The following SORCS2 variants were observed in gnomAD, a reference collection of about 807,000 sequenced individuals.
SORCS2 encodes the protein sortilin related VPS10 domain containing receptor 2, also known as VPS10 domain-containing receptor SorCS2.
In SORCS2, 100 loss-of-function variants were observed where a neutral mutation model predicts 141.6. That is an observed-to-expected ratio of 0.71 (90% CI 0.60 to 0.83). SORCS2 has a LOEUF of 0.83. SORCS2 is among the 40% of genes least tolerant of loss of function. The pLI, the probability that SORCS2 is intolerant of heterozygous loss-of-function variation, is 0.00. For missense variants in SORCS2, 1,646 were observed against 1,560.2 expected, an observed-to-expected ratio of 1.05 and a Z score of -0.93; for synonymous variants, 789 against 676.9, an observed-to-expected ratio of 1.17 and a Z score of -2.57.
intron 4 of SORCS2, among the ~76,000 whole-genome samples, chr4:7,651,001 A>G (rs906031260): frequency 1.6e-4 from 24 of 152,250 alleles, no homozygotes; most frequent in African/African-American, 5.5e-4. Context: ...CCCTACCCCC[A>G]GAGGGGCAGC....
At chr4:7,644,276 C>T (rs1720914667) in intron 4 of SORCS2, among the ~76,000 whole-genome samples, 1 of 152,164 alleles carries the variant, frequency 6.6e-6, no homozygotes, top group African/African-American at 2.4e-5. Context: ...GTTGCCATTG[C>T]TGCAGCCTGC....
chr4:7,433,325 C>T, intron 2 of SORCS2: 1 of 1,413,350 alleles, frequency 7.1e-7, no homozygotes, highest in Non-Finnish European at 9.3e-7. Context: ...CACGCGTGTT[C>T]CCCAGCGTGG....
intron 1 of SORCS2, among the ~76,000 whole-genome samples, chr4:7,321,856 TC>T (rs2108945553): frequency 6.6e-6 from 1 of 152,126 alleles, no homozygotes; most frequent in African/African-American, 2.4e-5. Context: ...TGAGGATAGT[TC>T]CCACCCTCTG....
chr4:7,482,439 G>A (rs1171446238), intron 2 of SORCS2, among the ~76,000 whole-genome samples: 1 of 38,186 alleles, frequency 2.6e-5, no homozygotes, highest in South Asian at 2.0e-3. Flanking sequence ...CACCCCTGAC[G>A]CTGTTCAGAC....
At chr4:7,543,809 CATCCATCCATCT>C (rs367586799) in intron 3 of SORCS2, among the ~76,000 whole-genome samples, 21,436 of 49,532 alleles carry the variant, frequency 0.43, 7,941 homozygotes, top group East Asian at 0.82. Flanking sequence ...TCCATCCATC[CATCCATCCATCT>C]ACCCATCTGT....
intron 2 of SORCS2, among the ~76,000 whole-genome samples, chr4:7,438,413 G>A (rs1727445579): frequency 6.6e-6 from 1 of 152,204 alleles, no homozygotes; most frequent in African/African-American, 2.4e-5. Flanking sequence ...TTCCTTCTCT[G>A]TAAAGTTATT....
chr4:7,362,592 T>C (rs926567946), intron 1 of SORCS2, among the ~76,000 whole-genome samples: 18 of 152,106 alleles, frequency 1.2e-4, no homozygotes, highest in Non-Finnish European at 1.5e-4. Context: ...GGAAGAGGGC[T>C]CTGCCCCTGG....
intron 8 of SORCS2, among the ~76,000 whole-genome samples, chr4:7,672,179 G>A (rs1375121748): frequency 6.6e-6 from 1 of 152,138 alleles, no homozygotes; most frequent in African/African-American, 2.4e-5. Context: ...CTGACCTCAA[G>A]TGATCCACCT....
chr4:7,354,061 G>A (rs896933167), intron 1 of SORCS2, among the ~76,000 whole-genome samples: 46 of 152,230 alleles, frequency 3.0e-4, no homozygotes, highest in African/African-American at 1.0e-3. Flanking sequence ...AACAGTTCTC[G>A]GCACTGGCTT....
intron 1 of SORCS2, among the ~76,000 whole-genome samples, chr4:7,362,167 G>T (rs573393852): frequency 6.6e-6 from 1 of 152,090 alleles, no homozygotes; most frequent in East Asian, 1.9e-4. Context: ...GAACAAGATG[G>T]CAAGATGGGA....
intron 1 of SORCS2, among the ~76,000 whole-genome samples, chr4:7,244,440 C>T (rs757494069): frequency 3.3e-5 from 5 of 152,234 alleles, no homozygotes; most frequent in East Asian, 3.9e-4. Context: ...GTTCCATCTT[C>T]GCCACCACAC....
intron 2 of SORCS2, among the ~76,000 whole-genome samples, chr4:7,445,225 C>T (rs1237088057): frequency 6.6e-6 from 1 of 152,164 alleles, no homozygotes; most frequent in East Asian, 1.9e-4. Context: ...ACCCTTGCAA[C>T]AGATACTTGG....
chr4:7,238,170 C>A (rs555351233), intron 1 of SORCS2, among the ~76,000 whole-genome samples: 1 of 152,268 alleles, frequency 6.6e-6, no homozygotes, highest in South Asian at 2.1e-4. Flanking sequence ...CCAACTCTTC[C>A]ATGAACCAGA....
At chr4:7,278,336 C>CGG (rs2108854393) in intron 1 of SORCS2, among the ~76,000 whole-genome samples, 1 of 152,310 alleles carries the variant, frequency 6.6e-6, no homozygotes, top group Admixed American at 6.5e-5. Context: ...CTGAGCGTGA[C>CGG]GGGGTCTTCG....
Position 7,256,442 on chromosome 4 carries a change from T to C in SORCS2, c.480+63316T>C, listed in dbSNP as rs1466881. 6.2e-3 allele frequency among the ~76,000 whole-genome samples: 944 copies of C among 152,294 alleles called. 8 individuals are homozygous for C. The highest frequency in any genetic ancestry group is 0.022 in the African/African-American group (895 of 41,562). ...AATAAAAGCCACCTCTGGCCGAGAC[T>C]TGGCTCCTCAGATGGCAGTTTGCAG... On this transcript the variant is annotated intron_variant, in intron 1 of 26. Coordinates refer to ENST00000507866, the MANE Select transcript of SORCS2 (RefSeq NM_020777.3).
At chr4:7,386,102 C>T (rs909592226) in intron 1 of SORCS2, among the ~76,000 whole-genome samples, 2 of 152,144 alleles carry the variant, frequency 1.3e-5, no homozygotes, top group East Asian at 3.8e-4. Flanking sequence ...CACATGCACA[C>T]ACACATGGAC....
At chr4:7,604,360 C>T (rs867256929) in intron 3 of SORCS2, among the ~76,000 whole-genome samples, 1 of 152,228 alleles carries the variant, frequency 6.6e-6, no homozygotes. Context: ...CTCTGTCGCC[C>T]AGGCTGGAGT....
chr4:7,655,114 C>T (rs1361221937), intron 5 of SORCS2, among the ~76,000 whole-genome samples: 1 of 152,150 alleles, frequency 6.6e-6, no homozygotes, highest in African/African-American at 2.4e-5. Context: ...CTGCTGGGGC[C>T]ATATCCCGTC....
At chr4:7,505,345 A>G (rs1025967129) in intron 2 of SORCS2, among the ~76,000 whole-genome samples, 1 of 152,118 alleles carries the variant, frequency 6.6e-6, no homozygotes, top group South Asian at 2.1e-4. Flanking sequence ...CTGTTCTCAG[A>G]AGGTCTCACT....
Sources: allele counts gnomAD v4.1 joint callset (sites outside exome capture counted in the v4.1 genomes callset), GRCh38; gene constraint gnomAD v4.1.1; transcripts MANE v1.5; gene names NCBI Gene and HGNC (gene_info 2026-07-23, HGNC 2026-07-21).